The following ARSG variants were observed in gnomAD, a reference collection of about 807,000 sequenced individuals.
ARSG encodes the protein ASG.
In ARSG, 37 loss-of-function variants were observed where a neutral mutation model predicts 50.5. That is an observed-to-expected ratio of 0.73 (90% confidence interval 0.56 to 0.96). The LOEUF (loss-of-function observed/expected upper bound fraction) is 0.96. Among genes scored for constraint, ARSG ranks in the 50% least tolerant of loss-of-function variants. ARSG has a pLI of 0.00. For synonymous variants in ARSG, 225 were observed against 254.6 expected (o/e 0.88, Z 1.11); for missense variants, 629 against 675.3 (o/e 0.93, Z 0.76).
chr17:68,370,944 G>A (rs2079808649), intron 8 of ARSG, among the ~76,000 whole-genome samples: 1 of 149,962 alleles, frequency 6.7e-6, no homozygotes, highest in South Asian at 2.1e-4. Context: ...GTGTACAACT[G>A]TACAAGGTTT....
At chr17:68,375,887 T>C (rs1468688424) in intron 8 of ARSG, among the ~76,000 whole-genome samples, 1 of 152,122 alleles carries the variant, frequency 6.6e-6, no homozygotes, top group Non-Finnish European at 1.5e-5. Flanking sequence ...CAGTTTGGCT[T>C]TTATTTTAAG....
In ARSG at chr17:68,381,825, C is replaced by A. The variant is rs150776137; in HGVS notation, c.983-3239C>A. 1.4e-4 allele frequency among the ~76,000 whole-genome samples: 21 copies of A among 152,092 alleles called. No individual in the cohort carries two copies. Among genetic ancestry groups the A allele is most frequent in the African/African-American group, 4.3e-4 (18 of 41,404 alleles). ...TCTCTGGGAAAGAGACTTTGGCATG[C>A]GTATTTTTTAAAAGCTCTCCAGTGA... On this transcript the variant is annotated intron_variant, in intron 8 of 11. Coordinates refer to ENST00000621439, the MANE Select transcript of ARSG (RefSeq NM_001267727.2). This position sits in a 1 kb window ranked among gnomAD's most constrained non-coding sequence, Gnocchi z 4.1.
At chr17:68,260,743 T>C (rs1299355458) in intron 1 of ARSG, among the ~76,000 whole-genome samples, 16 of 152,188 alleles carry the variant, frequency 1.1e-4, no homozygotes, top group African/African-American at 3.9e-4. Context: ...TCTGCCTGCC[T>C]TGGCCTCCCA....
intron 1 of ARSG, among the ~76,000 whole-genome samples, chr17:68,299,100 C>CTTT (rs201821256): frequency 5.7e-5 from 6 of 105,556 alleles, no homozygotes; most frequent in East Asian, 2.6e-4. Flanking sequence ...AAAAATTGAA[C>CTTT]TTTTTTTTTT....
intron 1 of ARSG, among the ~76,000 whole-genome samples, chr17:68,299,087 GA>G: frequency 6.8e-6 from 1 of 146,416 alleles, no homozygotes; most frequent in East Asian, 2.0e-4. Context: ...ATGACAAAGG[GA>G]AAAAAATTGA....
chr17:68,260,379 C>T (rs1446080850), intron 1 of ARSG, among the ~76,000 whole-genome samples: 1 of 152,174 alleles, frequency 6.6e-6, no homozygotes, highest in Non-Finnish European at 1.5e-5. Context: ...GGATTATACA[C>T]GATTAAACTG....
chr17:68,441,564 C>T, the ARSG span, among the ~76,000 whole-genome samples: 5 of 152,158 alleles, frequency 3.3e-5, no homozygotes, highest in African/African-American at 9.7e-5. Flanking sequence ...ATTGGCAGGG[C>T]GGAGTCCTCT....
chr17:68,396,758 T>C (rs1393027535), intron 10 of ARSG, among the ~76,000 whole-genome samples: 1 of 152,206 alleles, frequency 6.6e-6, no homozygotes, highest in African/African-American at 2.4e-5. Context: ...TGCACATTAA[T>C]GCAGTTTTTA....
At chr17:68,418,020 A>G (rs115681596) in intron 11 of ARSG, among the ~76,000 whole-genome samples, 2,564 of 151,872 alleles carry the variant, frequency 0.017, 81 homozygotes, top group African/African-American at 0.059. Context: ...GTGAGCCACC[A>G]CACCCGGCTG....
At chr17:68,432,624 C>G in the ARSG span, among the ~76,000 whole-genome samples, 1 of 151,998 alleles carries the variant, frequency 6.6e-6, no homozygotes, top group Non-Finnish European at 1.5e-5. Context: ...GCCTCTGTTA[C>G]GTATGTGTTA....
At chr17:68,442,017 T>C in the ARSG span, among the ~76,000 whole-genome samples, 144 of 152,324 alleles carry the variant, frequency 9.5e-4, 1 homozygote, top group African/African-American at 3.4e-3. Flanking sequence ...ATAAAATCGA[T>C]TCCCTTTACA....
the ARSG span, among the ~76,000 whole-genome samples, chr17:68,437,520 C>T: frequency 2.6e-5 from 4 of 151,612 alleles, no homozygotes; most frequent in African/African-American, 9.7e-5. Flanking sequence ...TGCCACTGCA[C>T]TCCAGCCTGG....
At chr17:68,443,205 G>T in the ARSG span, among the ~76,000 whole-genome samples, 1 of 152,054 alleles carries the variant, frequency 6.6e-6, no homozygotes, top group African/African-American at 2.4e-5. Flanking sequence ...CCGCCTCCTG[G>T]GTTCAAGTAA....
At chr17:68,289,507 C>A (rs2075918558), upstream of ARSG, among the ~76,000 whole-genome samples, 1 of 152,194 alleles carries the variant, frequency 6.6e-6, no homozygotes. Context: ...CTGTTGTAGG[C>A]AGACCTCGAG....
downstream of ARSG, chr17:68,427,208 G>GAGGTC: frequency 6.2e-7 from 1 of 1,614,212 alleles, no homozygotes; most frequent in Non-Finnish European, 8.5e-7. Context: ...AGGAAGGTCT[G>GAGGTC]AGGTCATTTT....
chr17:68,416,050 C>T (rs988762877), intron 11 of ARSG, among the ~76,000 whole-genome samples: 2 of 152,078 alleles, frequency 1.3e-5, no homozygotes, highest in Non-Finnish European at 2.9e-5. Flanking sequence ...CCATTCCATT[C>T]CTCATGCTAT....
chr17:68,263,503 A>T (rs2075105552), intron 1 of ARSG, among the ~76,000 whole-genome samples: 4 of 152,142 alleles, frequency 2.6e-5, no homozygotes, highest in Non-Finnish European at 5.9e-5. Context: ...ACAGGGTCTC[A>T]CTCTTTGCCA....
At chr17:68,265,500 A>G (rs2075141250) in intron 1 of ARSG, among the ~76,000 whole-genome samples, 2 of 152,204 alleles carry the variant, frequency 1.3e-5, no homozygotes, top group African/African-American at 4.8e-5. Flanking sequence ...TCTCAAAACA[A>G]CAACAACAAT....
intron 1 of ARSG, among the ~76,000 whole-genome samples, chr17:68,263,680 G>C (rs1174401353): frequency 6.6e-6 from 1 of 151,864 alleles, no homozygotes; most frequent in Non-Finnish European, 1.5e-5. Context: ...GAACTCCTGG[G>C]CTCAAGCAAT....
Sources: gnomAD v4.1 joint callset for allele counts (sites outside exome capture counted in the v4.1 genomes callset) on GRCh38, gnomAD v4.1.1 for gene constraint, Gnocchi (gnomAD v3.1) non-coding constraint, MANE v1.5 for transcripts, NCBI Gene and HGNC (gene_info 2026-07-23, HGNC 2026-07-21) for gene names.